XG: variants seen among roughly 807,000 people sequenced by gnomAD.
XG encodes the protein glycoprotein Xg.
In XG, 24 loss-of-function variants were observed where a neutral mutation model predicts 25.7. The observed-to-expected ratio is 0.93, with a 90% CI of 0.68 to 1.31. XG has a LOEUF of 1.31. XG is among the 40% of genes most tolerant of loss of function. The probability of loss-of-function intolerance (pLI) is 0.00; values close to 1 mark genes in which losing one functional copy is unlikely to be tolerated. For missense variants in XG, 181 were observed against 187.6 expected, an observed-to-expected ratio of 0.96 and a Z score of 0.21; for synonymous variants, 77 against 69.2, an observed-to-expected ratio of 1.11 and a Z score of -0.56.
chrX:2,760,584 A>C (rs769704668), intron 1 of XG, among the ~76,000 whole-genome samples: 1,644 of 150,670 alleles, frequency 0.011, 12 homozygotes, highest in Non-Finnish European at 0.017. Context: ...AAATACAAAA[A>C]AAAAAAAAAA....
At chrX:2,757,937 A>T (rs1219926653) in intron 1 of XG, among the ~76,000 whole-genome samples, 2 of 138,266 alleles carry the variant, frequency 1.4e-5, no homozygotes, top group Non-Finnish European at 3.0e-5. Flanking sequence ...ATACCACTGC[A>T]CTCCAGCCTG....
At chrX:2,757,545 G>A (rs1399620064) in intron 1 of XG, among the ~76,000 whole-genome samples, 1 of 151,984 alleles carries the variant, frequency 6.6e-6, no homozygotes, top group Admixed American at 6.6e-5. Context: ...TCAGAGCTCT[G>A]AACAGTAGCA....
chrX:2,810,003 A>C (rs777880016), intron 9 of XG, among the ~76,000 whole-genome samples: 24 of 112,369 alleles, frequency 2.1e-4, no homozygotes, highest in African/African-American at 7.8e-4. Flanking sequence ...ACACTGTGAA[A>C]TCATACTGTG....
chrX:2,806,286 C>T (rs1485374262), intron 7 of XG, among the ~76,000 whole-genome samples: 1 of 111,284 alleles, frequency 9.0e-6, no homozygotes, highest in Non-Finnish European at 1.9e-5. Flanking sequence ...GCCTTAGCCT[C>T]CCAAAGTGGT....
At chrX:2,807,415 C>G (rs187716959) in intron 8 of XG, among the ~76,000 whole-genome samples, 3 of 111,500 alleles carry the variant, frequency 2.7e-5, no homozygotes, top group Non-Finnish European at 5.7e-5. Flanking sequence ...TGTATACATG[C>G]GTGTGTACAG....
chrX:2,795,273 A>G (rs1277543646), intron 6 of XG, among the ~76,000 whole-genome samples: 1 of 107,265 alleles, frequency 9.3e-6, no homozygotes, highest in East Asian at 2.9e-4. Context: ...TCTTTTTAAA[A>G]ATATATCTTC....
chrX:2,806,099 AT>A (rs754730858), intron 7 of XG, among the ~76,000 whole-genome samples: 31 of 111,922 alleles, frequency 2.8e-4, no homozygotes, highest in Non-Finnish European at 5.5e-4. Flanking sequence ...GTGATCATAG[AT>A]CATTGCAGCC....
Position 2,797,654 on chromosome X carries a change from T to G in XG, c.373+294T>G, listed in dbSNP as rs1422000797. Among the ~76,000 whole-genome samples the G allele has an allele frequency of 2.7e-5, 3 of 110,276 alleles. No homozygotes were observed. In the East Asian group the frequency reaches 8.7e-4, roughly 32 times the overall value. On this transcript the variant is annotated intron_variant, in intron 7 of 10. Coordinates refer to ENST00000644266, the MANE Select transcript of XG (RefSeq NM_001141919.2). ...CAGAGCAAAGAACTATACAACTAAT[T>G]AGAGAAAGAGAGCATCCAACAAACT...
Position 2,770,578 on chromosome X carries a change from C to T in XG, c.90C>T (p.Ala30=). Reference sequence around the variant, plus strand: ...AAAGAGACTTTGATTTGGCAGATGCCCTTGATGACCCTGGTAAGTGCCGAT... The same window carrying T: ...AAAGAGACTTTGATTTGGCAGATGCTCTTGATGACCCTGGTAAGTGCCGAT... ...RGQRDFDLAD[A]LDDPEPTKKP... The change falls in exon 2 of 11, where the codon GCC becomes GCT. Residue 30 remains alanine, a synonymous_variant. Transcript: ENST00000644266. 1 of 1,613,814 alleles carries T rather than the reference C, an allele frequency of 6.2e-7. No individual in the cohort carries two copies. Among genetic ancestry groups the T allele is most frequent in the Non-Finnish European group, 8.5e-7 (1 of 1,179,838 alleles).
At chrX:2,807,378 CAT>C (rs777001004) in intron 8 of XG, among the ~76,000 whole-genome samples, 63 of 113,278 alleles carry the variant, frequency 5.6e-4, no homozygotes, top group Non-Finnish European at 1.0e-3. Context: ...ACGAATATAT[CAT>C]GTGCATCTGT....
intron 1 of XG, among the ~76,000 whole-genome samples, chrX:2,758,666 C>A (rs2050489782): frequency 6.6e-6 from 1 of 152,242 alleles, no homozygotes; most frequent in Admixed American, 6.5e-5. Flanking sequence ...CGTTGCCACA[C>A]TGATAGCAGG....
chrX:2,788,344 G>C (rs773298226), intron 4 of XG, among the ~76,000 whole-genome samples: 61 of 112,481 alleles, frequency 5.4e-4, no homozygotes, highest in Non-Finnish European at 9.0e-4. Context: ...ACAAAAAGGT[G>C]CTGAAGATAC....
At chrX:2,802,341 G>C (rs1248312073) in intron 7 of XG, among the ~76,000 whole-genome samples, 1 of 110,481 alleles carries the variant, frequency 9.1e-6, no homozygotes, top group African/African-American at 3.3e-5. Flanking sequence ...AATTTTTGTA[G>C]AGATGGGGTC....
At chrX:2,757,352 C>G (rs915477217) in intron 1 of XG, among the ~76,000 whole-genome samples, 10 of 151,288 alleles carry the variant, frequency 6.6e-5, no homozygotes, top group Admixed American at 5.3e-4. Context: ...AATAGGAATG[C>G]CTGTTTCCAT....
chrX:2,812,228 C>T (rs981638272), intron 10 of XG, among the ~76,000 whole-genome samples: 14 of 111,311 alleles, frequency 1.3e-4, no homozygotes, highest in African/African-American at 4.2e-4. Flanking sequence ...TCCGAAGGTG[C>T]GCTCAGACCA....
chrX:2,754,624 C>G (rs1243260417), intron 1 of XG, among the ~76,000 whole-genome samples: 2 of 152,144 alleles, frequency 1.3e-5, no homozygotes, highest in African/African-American at 2.4e-5. Context: ...GGTCCCACAA[C>G]AGGCCGTCTG....
Position 2,794,596 on chromosome X carries a change from G to T in XG, c.315G>T (p.Pro105=). The part of the protein sequence containing the change: ...GRYPPRPRPR[P]PAGGGGGGYS... The stretch of plus-strand genomic sequence containing the variant: ...ACCCGCCCAGGCCCAGGCCACGGCC[G>T]CCTGCAGGTAGGTGCCGAGCCTCCC... The change falls in exon 6 of 11, where the codon CCG becomes CCT. Residue 105 remains proline (P), a synonymous_variant. Coordinates refer to ENST00000644266, the MANE Select transcript of XG (RefSeq NM_001141919.2). 8.3e-7 allele frequency: 1 copy of T among 1,211,193 alleles called. No homozygotes were observed. The highest frequency in any genetic ancestry group is 1.8e-5 in the South Asian group (1 of 56,746).
At chrX:2,800,444 A>C (rs1416937194) in intron 7 of XG, among the ~76,000 whole-genome samples, 4 of 112,282 alleles carry the variant, frequency 3.6e-5, no homozygotes, top group Non-Finnish European at 5.6e-5. Context: ...ATTTCAAAAT[A>C]AGGCAAAGCA....
intron 8 of XG, 50 bp from the exon 9 acceptor site, chrX:2,808,135 C>T: frequency 8.4e-7 from 1 of 1,195,428 alleles, no homozygotes; most frequent in African/African-American, 1.7e-5. Context: ...CAATATAAGG[C>T]CCTCCATAAG....
Sources: gnomAD v4.1 joint callset for allele counts (sites outside exome capture counted in the v4.1 genomes callset) on GRCh38, gnomAD v4.1.1 for gene constraint, MANE v1.5 for transcripts, NCBI Gene and HGNC (gene_info 2026-07-23, HGNC 2026-07-21) for gene names.